Variants in SPDL1 observed in about 807,000 individuals in gnomAD.
SPDL1 encodes spindle apparatus coiled-coil protein 1.
In SPDL1, 85 loss-of-function variants were observed where a neutral mutation model predicts 79.5. That is an observed-to-expected ratio of 1.07 (90% CI 0.90 to 1.28). The LOEUF is 1.28. Among genes scored for constraint, SPDL1 ranks in the 50% most tolerant of loss-of-function variants. The probability of loss-of-function intolerance (pLI) is 0.00; values close to 1 mark genes in which losing one functional copy is unlikely to be tolerated. For missense variants in SPDL1, 703 were observed against 697.8 expected, an observed-to-expected ratio of 1.01 and a Z score of -0.08; for synonymous variants, 269 against 240.3, an observed-to-expected ratio of 1.12 and a Z score of -1.10.
chr5:169,600,723 A>C (rs1025553637), intron 10 of SPDL1, among the ~76,000 whole-genome samples: 5 of 152,196 alleles, frequency 3.3e-5, no homozygotes, highest in African/African-American at 1.2e-4. Context: ...ATCCATCATA[A>C]AAGTAGTCTG....
At chr5:169,591,652 T>C (rs766834329) in intron 3 of SPDL1, among the ~76,000 whole-genome samples, 3 of 152,244 alleles carry the variant, frequency 2.0e-5, no homozygotes, top group African/African-American at 4.8e-5. Flanking sequence ...TTACTGAGGA[T>C]AAACTAATAC....
At chr5:169,593,640 T>G in intron 4 of SPDL1, 92 bp downstream of exon 4, 1 of 1,299,162 alleles carries the variant, frequency 7.7e-7, no homozygotes, top group Non-Finnish European at 1.0e-6. Context: ...AGAGCTAGTT[T>G]GAAGGCTGAA....
At chr5:169,587,135 C>T (rs1029553637) in intron 1 of SPDL1, 2 of 152,160 alleles carry the variant, frequency 1.3e-5, no homozygotes, top group African/African-American at 4.8e-5. Context: ...TTTTTCTCAT[C>T]TCCCCTTTCT....
rs1428670065 is a variant in SPDL1 at position 169,601,837 on chromosome 5, C to T, written c.1670+212C>T. The T allele has an allele frequency of 7.8e-6, 5 of 641,874 alleles. No individual in the cohort carries two copies. The East Asian group carries it at 1.4e-4, about 18-fold the overall frequency. 39.8% of individuals were successfully genotyped at this position (641,874 alleles called of 1,614,324 possible). A position where few individuals can be genotyped will look rare whatever the true frequency, so the allele number is the denominator to read the frequency against. ...AAAGGACTCTTGAATAAGGCAATCA[C>T]ATTAAAAAGTTACACGTTTCTGTTT... On this transcript the variant is annotated intron_variant, in intron 11 of 11. Coordinates refer to ENST00000265295, the MANE Select transcript of SPDL1 (RefSeq NM_017785.5).
At chr5:169,600,926 G>A (rs1483076307) in intron 10 of SPDL1, among the ~76,000 whole-genome samples, 1 of 152,086 alleles carries the variant, frequency 6.6e-6, no homozygotes. Flanking sequence ...TGTCACATAC[G>A]AGGATTAGGA....
intron 10 of SPDL1, among the ~76,000 whole-genome samples, chr5:169,600,574 G>A (rs1755827009): frequency 6.6e-6 from 1 of 152,142 alleles, no homozygotes; most frequent in African/African-American, 2.4e-5. Context: ...ATCGATAATG[G>A]GCATAGGGAA....
At position 169,598,632 on chromosome 5, in the gene SPDL1, G is replaced by A. The variant is rs992960540; in HGVS notation, c.1136+53G>A. Reference sequence around the variant, plus strand: ...GATGAACATGTCACTTGCTTACTATGGTAGTGTCAGTGACTACAAAGTTTT... The same window carrying A: ...GATGAACATGTCACTTGCTTACTATAGTAGTGTCAGTGACTACAAAGTTTT... On this transcript the variant is annotated intron_variant, in intron 9 of 11. Transcript: ENST00000265295. 11 of 1,401,710 alleles carry A rather than the reference G, an allele frequency of 7.8e-6. No individual in the cohort carries two copies. In the African/African-American group the frequency reaches 1.4e-4, roughly 18 times the overall value. 86.8% of individuals were successfully genotyped at this position (1,401,710 alleles called of 1,614,324 possible). A position where few individuals can be genotyped will look rare whatever the true frequency, so the allele number is the denominator to read the frequency against.
At chr5:169,602,736 T>C (rs758516550) in intron 11 of SPDL1, among the ~76,000 whole-genome samples, 8 of 152,244 alleles carry the variant, frequency 5.3e-5, no homozygotes, top group Non-Finnish European at 1.0e-4. Context: ...CCTTGGATTT[T>C]TATAGAATGT....
At chr5:169,598,138 T>C (rs9313464) in intron 8 of SPDL1, among the ~76,000 whole-genome samples, 3 of 152,188 alleles carry the variant, frequency 2.0e-5, no homozygotes, top group African/African-American at 7.2e-5. Context: ...AAGGCCAGAA[T>C]TTAATCCAGC....
intron 2 of SPDL1, chr5:169,590,752 G>C (rs1172693843): frequency 2.1e-6 from 1 of 483,590 alleles, no homozygotes; most frequent in East Asian, 6.0e-5. Context: ...TTTGTTGTTA[G>C]CAGAGATTAC....
Position 169,604,128 on chromosome 5 carries a change from A to G in SPDL1, c.1739A>G (p.Lys580Arg), listed in dbSNP as rs1561881045. 6.2e-7 allele frequency: 1 copy of G among 1,613,546 alleles called. No individual in the cohort carries two copies. Residue 580 changes from lysine (K) to arginine (R), a missense_variant, in exon 12 of 12, where the codon AAA becomes AGA. Coordinates refer to ENST00000265295, the MANE Select transcript of SPDL1 (RefSeq NM_017785.5). ...EGKETSSKLEKETCKKLHPIL... is the reference protein window; with the variant it reads ...EGKETSSKLERETCKKLHPIL... ...AAAGAAACTTCAAGCAAATTGGAAA[A>G]AGAAACTTGTAAGAAATTACACCCT... is the stretch of plus-strand genomic sequence containing the variant.
chr5:169,589,169 A>G (rs1047841518), intron 2 of SPDL1, among the ~76,000 whole-genome samples: 3 of 152,012 alleles, frequency 2.0e-5, no homozygotes, highest in Non-Finnish European at 4.4e-5. Flanking sequence ...TATTTCTCAC[A>G]TTTCACTCAT....
In SPDL1 at chr5:169,594,183, A is replaced by G. The variant is rs767162543; in HGVS notation, c.570A>G (p.Arg190=). 6.2e-7 allele frequency: 1 copy of G among 1,613,478 alleles called. No homozygotes were observed. The highest frequency in any genetic ancestry group is 8.5e-7 in the Non-Finnish European group (1 of 1,179,702). Residue 190 remains arginine, a synonymous_variant, in exon 5 of 12, where the codon AGA becomes AGG. Transcript: ENST00000265295. ...AAGAAGTGAATGAACTACAATACAGACAAGAACAGCTAGAACTTCTTATTA... is the reference window on the plus strand; with the variant it reads ...AAGAAGTGAATGAACTACAATACAGGCAAGAACAGCTAGAACTTCTTATTA... ...LKEEVNELQY[R]QEQLELLITN...
chr5:169,590,950 T>C (rs908578917), intron 2 of SPDL1, 98 bp from the exon 3 acceptor site: 4 of 1,069,562 alleles, frequency 3.7e-6, no homozygotes, highest in Non-Finnish European at 5.6e-6. Context: ...CAGCAAATGC[T>C]TGAAATAAGA....
At chr5:169,602,338 CAGG>C (rs1384430551) in intron 11 of SPDL1, among the ~76,000 whole-genome samples, 1 of 152,094 alleles carries the variant, frequency 6.6e-6, no homozygotes, top group Non-Finnish European at 1.5e-5. Flanking sequence ...ATGTGCGCAG[CAGG>C]AGAAGTGAAT....
chr5:169,604,552 A>G lies in SPDL1; in HGVS notation c.*345A>G, dbSNP rs1225451756. 1 of 157,320 alleles carries G rather than the reference A, an allele frequency of 6.4e-6. No individual in the cohort carries two copies. The highest frequency in any genetic ancestry group is 1.4e-5 in the Non-Finnish European group (1 of 71,438). 9.7% of individuals were successfully genotyped at this position (157,320 alleles called of 1,614,324 possible). ...ATGTATTTGAGAATGCTTCAATCAT[A>G]TTTTCCTATGTACTTTTTTTTATAA... On this transcript the variant is annotated 3_prime_UTR_variant, in exon 12 of 12. Transcript: ENST00000265295.
chr5:169,594,536 C>T (rs2113358929), intron 6 of SPDL1, 35 bp from the exon 7 acceptor site: 1 of 1,609,636 alleles, frequency 6.2e-7, no homozygotes, highest in Non-Finnish European at 8.5e-7. Context: ...TTTTCATTTA[C>T]TACCAGAACA....
intron 10 of SPDL1, among the ~76,000 whole-genome samples, chr5:169,600,374 G>A (rs1463047218): frequency 1.3e-5 from 2 of 152,160 alleles, no homozygotes; most frequent in African/African-American, 4.8e-5. Context: ...TCAAACATCT[G>A]TTGAACTGAA....
In SPDL1 at chr5:169,596,416, T is replaced by G. The variant is rs79715962; in HGVS notation, c.892-145T>G. 4.0e-4 allele frequency: 259 copies of G among 647,036 alleles called. 2 individuals are homozygous for G. In the East Asian group the frequency reaches 7.5e-3, roughly 19 times the overall value. 40.1% of individuals were successfully genotyped at this position (647,036 alleles called of 1,614,324 possible). A position where few individuals can be genotyped will look rare whatever the true frequency, so the allele number is the denominator to read the frequency against. On this transcript the variant is annotated intron_variant, in intron 7 of 11. Coordinates refer to ENST00000265295, the MANE Select transcript of SPDL1 (RefSeq NM_017785.5). Reference sequence around the variant, plus strand: ...TCAAATGTTATGTCTACAAAAAAATTTATTATTAGATTAGAAATAGCTAAT... The same window carrying G: ...TCAAATGTTATGTCTACAAAAAAATGTATTATTAGATTAGAAATAGCTAAT...
Sources: allele counts gnomAD v4.1 joint callset (sites outside exome capture counted in the v4.1 genomes callset), GRCh38; gene constraint gnomAD v4.1.1; transcripts MANE v1.5; gene names NCBI Gene and HGNC (gene_info 2026-07-23, HGNC 2026-07-21).